Variants in ABL1 observed in about 807,000 individuals in gnomAD.
The protein encoded by ABL1 is tyrosine-protein kinase ABL1.
In ABL1, 11 loss-of-function variants were observed where a neutral mutation model predicts 94.7. The ratio of observed to expected loss-of-function variants is 0.12; its 90% CI spans 0.07 to 0.19. The LOEUF (loss-of-function observed/expected upper bound fraction) is 0.19, where lower values mean the gene tolerates loss of function less well. ABL1 is among the 10% of genes least tolerant of loss of function. The probability of loss-of-function intolerance (pLI) is 1.00; values close to 1 mark genes in which losing one functional copy is unlikely to be tolerated. For missense variants in ABL1, 1,082 were observed against 1,489.4 expected (o/e 0.73, Z 4.50); for synonymous variants, 656 against 622.4 (o/e 1.05, Z -0.80).
chr9:130,851,560 TC>T (rs1403285365), intron 1 of ABL1, among the ~76,000 whole-genome samples: 4 of 152,170 alleles, frequency 2.6e-5, no homozygotes, highest in Non-Finnish European at 5.9e-5. Context: ...GGGTTCTTTT[TC>T]TTTTTTTAAA....
rs761305167 is a variant in ABL1, at chr9:130,884,036, C to T, written c.1746C>T (p.Gly582=). The T allele has an allele frequency of 2.5e-6, 4 of 1,613,782 alleles. No homozygotes were observed. The highest frequency in any genetic ancestry group is 3.4e-6 in the Non-Finnish European group (4 of 1,180,038). Residue 582 remains glycine (G), a synonymous_variant, in exon 11 of 11, where the codon GGC becomes GGT. Transcript: ENST00000318560. The surrounding 1 kb of genome is among the most constrained non-coding windows in gnomAD (Gnocchi z 5.6). The part of the protein sequence containing the change: ...LPRKERGPPE[G]GLNEDERLLP... ...GAAAAGAGCGAGGTCCCCCGGAGGG[C>T]GGCCTGAATGAAGATGAGCGCCTTC... is the stretch of plus-strand genomic sequence containing the variant.
intron 1 of ABL1, among the ~76,000 whole-genome samples, chr9:130,815,073 C>T (rs1247792295): frequency 6.6e-6 from 1 of 152,150 alleles, no homozygotes; most frequent in African/African-American, 2.4e-5. Flanking sequence ...GTGGCTCACG[C>T]CTGTAATCCC....
At chr9:130,719,916 G>A (rs1021729163) in intron 1 of ABL1, among the ~76,000 whole-genome samples, 5 of 152,190 alleles carry the variant, frequency 3.3e-5, no homozygotes, top group African/African-American at 4.8e-5. Context: ...CAAAGGGCTA[G>A]TCATATTTAC....
chr9:130,747,043 C>T (rs578056421), intron 1 of ABL1, among the ~76,000 whole-genome samples: 42 of 152,158 alleles, frequency 2.8e-4, no homozygotes, highest in Middle Eastern at 6.8e-3. Flanking sequence ...CCCCTTGTTC[C>T]ATTGTTTTAT....
chr9:130,876,663 C>T (rs972492021), intron 7 of ABL1, among the ~76,000 whole-genome samples: 3 of 151,588 alleles, frequency 2.0e-5, no homozygotes. Flanking sequence ...TCAGGCAGTC[C>T]ACCTGCCTTG....
At chr9:130,876,205 C>G (rs1320873913) in intron 7 of ABL1, among the ~76,000 whole-genome samples, 1 of 151,948 alleles carries the variant, frequency 6.6e-6, no homozygotes, top group East Asian at 1.9e-4. Context: ...TATACAGTGC[C>G]TAGATCCAAT....
At chr9:130,831,209 G>T (rs556960002), upstream of ABL1, among the ~76,000 whole-genome samples, 1 of 152,240 alleles carries the variant, frequency 6.6e-6, no homozygotes, top group South Asian at 2.1e-4. Flanking sequence ...CAGTGAAGGG[G>T]TCAGCCAGAC....
chr9:130,777,043 T>TA (rs1392324143), intron 1 of ABL1, among the ~76,000 whole-genome samples: 1 of 152,218 alleles, frequency 6.6e-6, no homozygotes, highest in African/African-American at 2.4e-5. Flanking sequence ...AGCTCTTATT[T>TA]AAAAAATCCT....
In ABL1 at chr9:130,878,429, C is replaced by T; in HGVS notation, c.1285C>T (p.Leu429Phe). The T allele has an allele frequency of 6.2e-7, 1 of 1,614,174 alleles. No individual in the cohort carries two copies. The highest frequency in any genetic ancestry group is 8.5e-7 in the Non-Finnish European group (1 of 1,180,002). ...TTTTCTTTCAGCATTTGGAGTATTG[C>T]TTTGGGAAATTGCTACCTATGGCAT... ...KSDVWAFGVL[L>F]WEIATYGMSP... The change falls in exon 8 of 11, where the codon CTT (leucine) becomes TTT (phenylalanine). Residue 429 changes from leucine to phenylalanine, a missense_variant. Physicochemically the swap from Leu to Phe is conservative, Grantham distance 22. Coordinates refer to ENST00000318560, the MANE Select transcript of ABL1 (RefSeq NM_005157.6).
chr9:130,831,932 C>T (rs1415862333), upstream of ABL1, among the ~76,000 whole-genome samples: 4 of 152,106 alleles, frequency 2.6e-5, no homozygotes, highest in Non-Finnish European at 4.4e-5. Context: ...TTCCATCTTA[C>T]ATATGCATAC....
chr9:130,733,602 CAG>C lies in ABL1; in HGVS notation c.136+19150_136+19151del, dbSNP rs1265162925. Among the ~76,000 whole-genome samples, 4 of 98,220 alleles carry C rather than the reference CAG, an allele frequency of 4.1e-5. No homozygotes were observed. The East Asian group carries it at 1.5e-3, about 38-fold the overall frequency. The allele number at this position is 98,220 out of a possible 152,430, so 64.4% of individuals were successfully genotyped here. A position where few individuals can be genotyped will look rare whatever the true frequency, so the allele number is the denominator to read the frequency against. ...TTTTTTTTTTTTTTTTTTTTTGAGA[CAG>C]AGTCTCACTCGTTGCCCAGGCTGGA... On this transcript the variant is annotated intron_variant, in intron 1 of 10. Transcript: ENST00000372348.
At chr9:130,817,473 G>C (rs1022359566) in intron 1 of ABL1, among the ~76,000 whole-genome samples, 1 of 152,066 alleles carries the variant, frequency 6.6e-6, no homozygotes, top group African/African-American at 2.4e-5. Flanking sequence ...CTCTGCCTTT[G>C]CCTCTTTTAA....
intron 1 of ABL1, among the ~76,000 whole-genome samples, chr9:130,804,058 A>G (rs1239177307): frequency 6.6e-6 from 1 of 151,742 alleles, no homozygotes; most frequent in Non-Finnish European, 1.5e-5. Flanking sequence ...GAGACCTCTT[A>G]AGAAAAAAAA....
intron 1 of ABL1, among the ~76,000 whole-genome samples, chr9:130,716,348 T>G (rs1442918916): frequency 6.6e-6 from 1 of 152,128 alleles, no homozygotes; most frequent in South Asian, 2.1e-4. Flanking sequence ...CCACCCACCT[T>G]GGCCTCCCAA....
chr9:130,752,904 A>G (rs1366444957), intron 1 of ABL1, among the ~76,000 whole-genome samples: 1 of 150,882 alleles, frequency 6.6e-6, no homozygotes, highest in Non-Finnish European at 1.5e-5. Context: ...GGTTGCAGTG[A>G]GCCAAGATCG....
At position 130,809,442 on chromosome 9, in the gene ABL1, G is replaced by GCA. The variant is rs1830177125; in HGVS notation, c.137-44622_137-44621insCA. On this transcript the variant is annotated intron_variant, in intron 1 of 10. Coordinates refer to the ABL1 transcript ENST00000372348. ...AGTGTGTGTGTGTGTGTGTGTGTGT[G>GCA]TGCACGTGTGAAGAAATTTATTGTA... is the stretch of plus-strand genomic sequence containing the variant. Among the ~76,000 whole-genome samples, 15 of 144,214 alleles carry GCA rather than the reference G, an allele frequency of 1.0e-4. 3 individuals carry two copies. Among genetic ancestry groups the GCA allele is most frequent in the East Asian group, 3.9e-4 (2 of 5,118 alleles). 94.6% of individuals were successfully genotyped at this position (144,214 alleles called of 152,430 possible).
intron 1 of ABL1, among the ~76,000 whole-genome samples, chr9:130,804,695 G>A (rs982279975): frequency 6.6e-6 from 1 of 152,032 alleles, no homozygotes; most frequent in African/African-American, 2.4e-5. Flanking sequence ...TTGTGCAAAC[G>A]AGATCCTACT....
intron 1 of ABL1, among the ~76,000 whole-genome samples, chr9:130,764,405 T>C (rs1832155091): frequency 6.6e-6 from 1 of 152,178 alleles, no homozygotes; most frequent in African/African-American, 2.4e-5. Context: ...ACTGTATTGC[T>C]GACCCTTTCC....
intron 1 of ABL1, among the ~76,000 whole-genome samples, chr9:130,754,074 G>A (rs10793968): frequency 0.26 from 38,842 of 150,954 alleles, 7,022 homozygotes; most frequent in East Asian, 0.52. Context: ...GGGGGTAGTG[G>A]CGTTGCCTAT....
Sources: allele counts gnomAD v4.1 joint callset (sites outside exome capture counted in the v4.1 genomes callset), GRCh38; gene constraint gnomAD v4.1.1; non-coding constraint Gnocchi (gnomAD v3.1); transcripts MANE v1.5; gene names NCBI Gene and HGNC (gene_info 2026-07-23, HGNC 2026-07-21).